Variants in FMNL1 observed in about 807,000 individuals in gnomAD.
The protein encoded by FMNL1 is formin like 1, also known as formin-like protein 1.
In FMNL1, 43 loss-of-function variants were observed where a neutral mutation model predicts 121.3. The ratio of observed to expected loss-of-function variants is 0.35; its 90% CI spans 0.28 to 0.46. The LOEUF (loss-of-function observed/expected upper bound fraction) is 0.46. FMNL1 is among the 20% of genes least tolerant of loss of function. The pLI is 1.00. For missense variants in FMNL1, 1,191 were observed against 1,482.4 expected (o/e 0.80, Z 3.23); for synonymous variants, 613 against 613.5 (o/e 1.00, Z 0.01).
chr17:45,241,788 C>A lies in FMNL1; in HGVS notation c.1586-59C>A. 7.1e-7 allele frequency: 1 copy of A among 1,403,006 alleles called. No homozygotes were observed. The highest frequency in any genetic ancestry group is 3.2e-5 in the Admixed American group (1 of 31,034). The allele number at this position is 1,403,006 out of a possible 1,614,324, so 86.9% of individuals were successfully genotyped here. A position where few individuals can be genotyped will look rare whatever the true frequency, so the allele number is the denominator to read the frequency against. On this transcript the variant is annotated intron_variant, in intron 14 of 26. Coordinates refer to ENST00000331495, the MANE Select transcript of FMNL1 (RefSeq NM_005892.4). The surrounding 1 kb of genome is among the most constrained non-coding windows in gnomAD (Gnocchi z 7.0). Reference sequence around the variant, plus strand: ...CGTAGAGCGGAGAGGCGGAGAGGGGCCCACCCAAGTCAAGGAGCTGACTCG... The same window carrying A: ...CGTAGAGCGGAGAGGCGGAGAGGGGACCACCCAAGTCAAGGAGCTGACTCG...
rs368015420 is a variant in FMNL1, at chr17:45,238,545, A to C, written c.895-19A>C. The C allele has an allele frequency of 9.3e-6, 15 of 1,613,752 alleles. No homozygotes were observed. The highest frequency in any genetic ancestry group is 1.3e-5 in the Non-Finnish European group (15 of 1,179,734). On this transcript the variant is annotated intron_variant, in intron 9 of 26. Coordinates refer to ENST00000331495, the MANE Select transcript of FMNL1 (RefSeq NM_005892.4). ...ACGTGTGTCACTGGGCCTCAGTGAG[A>C]GCCATTCCCCTTACCCAGGTGTGTG...
Position 45,245,882 on chromosome 17 carries a change from C to A in FMNL1, c.2999C>A (p.Ala1000Asp). 2 of 1,596,072 alleles carry A rather than the reference C, an allele frequency of 1.3e-6. No individual in the cohort carries two copies. The highest frequency in any genetic ancestry group is 1.7e-6 in the Non-Finnish European group (2 of 1,172,688). Residue 1000 changes from alanine to aspartate, a missense_variant, in exon 24 of 27, where the codon GCT (alanine) becomes GAT (aspartate). Transcript: ENST00000331495. ...FSRFIKAYKK[A>D]EQEVEQWKKE... is the part of the protein sequence containing the mutation. ...GGAGACTGCCTTGGCCCACAGAAAGCTGAGCAGGAGGTGGAACAGTGGAAA... is the reference window on the plus strand; with the variant it reads ...GGAGACTGCCTTGGCCCACAGAAAGATGAGCAGGAGGTGGAACAGTGGAAA...
rs192277526 is a variant in FMNL1, at chr17:45,230,143, C to A, written c.130-461C>A. ...TGTGTACACGTGGGATCTGGTGGCA[C>A]GTGGAGGTGGGACACTGGCCACTGG... is the stretch of plus-strand genomic sequence containing the variant. On this transcript the variant is annotated intron_variant, in intron 1 of 26. Coordinates refer to ENST00000331495, the MANE Select transcript of FMNL1 (RefSeq NM_005892.4). Among the ~76,000 whole-genome samples, 11 of 152,276 alleles carry A rather than the reference C, an allele frequency of 7.2e-5. No homozygotes were observed. In the East Asian group the frequency reaches 1.9e-3, roughly 27 times the overall value.
chr17:45,232,598 T>G (rs1034827055), intron 3 of FMNL1, 118 bp downstream of exon 3: 1 of 883,544 alleles, frequency 1.1e-6, no homozygotes, highest in Non-Finnish European at 1.8e-6. Context: ...TGTATGAGTG[T>G]GTGTGTGTGT....
Position 45,237,183 on chromosome 17 carries a change from C to G in FMNL1, c.724-98C>G. Reference sequence around the variant, plus strand: ...AGAAGTTGCGGTTGGATACAAAGAACTTCCTAAACTCGAGGGCAGTTAAAG... The same window carrying G: ...AGAAGTTGCGGTTGGATACAAAGAAGTTCCTAAACTCGAGGGCAGTTAAAG... On this transcript the variant is annotated intron_variant, in intron 7 of 26. Coordinates refer to ENST00000331495, the MANE Select transcript of FMNL1 (RefSeq NM_005892.4). The surrounding 1 kb of genome is among the most constrained non-coding windows in gnomAD (Gnocchi z 4.4). The G allele has an allele frequency of 2.7e-6, 3 of 1,112,422 alleles. No individual in the cohort carries two copies. The South Asian group carries it at 3.9e-5, about 15-fold the overall frequency. The allele number at this position is 1,112,422 out of a possible 1,614,324, so 68.9% of individuals were successfully genotyped here. A position where few individuals can be genotyped will look rare whatever the true frequency, so the allele number is the denominator to read the frequency against.
chr17:45,246,101 G>A (rs1189281244), intron 24 of FMNL1, 109 bp from the exon 25 acceptor site: 8 of 1,532,758 alleles, frequency 5.2e-6, no homozygotes, highest in African/African-American at 1.4e-5. Flanking sequence ...GATGGGAAAG[G>A]GTTCTTTCTG....
chr17:45,222,631 G>A (rs978920677), intron 1 of FMNL1, among the ~76,000 whole-genome samples: 1 of 152,028 alleles, frequency 6.6e-6, no homozygotes, highest in Non-Finnish European at 1.5e-5. Flanking sequence ...CTGCCTTTCT[G>A]TGTCTGGAGT....
chr17:45,229,671 G>A (rs1424825793), intron 1 of FMNL1, among the ~76,000 whole-genome samples: 1 of 152,184 alleles, frequency 6.6e-6, no homozygotes, highest in African/African-American at 2.4e-5. Context: ...CAAGTCTGGG[G>A]GTCCAGAAAG....
chr17:45,241,626 C>T lies in FMNL1; in HGVS notation c.1577C>T (p.Pro526Leu). ...APTPGVPTGS[P>L]SPDLAPAAEP... ...ACTCCGGGGGTGCCGACCGGCTCCCCCAGCCCAGGTGCGCAGGAGCTTCAG... is the reference window on the plus strand; with the variant it reads ...ACTCCGGGGGTGCCGACCGGCTCCCTCAGCCCAGGTGCGCAGGAGCTTCAG... The change falls in exon 14 of 27, where the codon CCC becomes CTC. Residue 526 changes from proline (P) to leucine (L), a missense_variant. Pro to Leu is a moderately conservative substitution (Grantham distance 98). Coordinates refer to ENST00000331495, the MANE Select transcript of FMNL1 (RefSeq NM_005892.4). This position sits in a 1 kb window ranked among gnomAD's most constrained non-coding sequence, Gnocchi z 7.0. The T allele has an allele frequency of 6.6e-7, 1 of 1,511,696 alleles. No individual in the cohort carries two copies. Among genetic ancestry groups the T allele is most frequent in the East Asian group, 2.4e-5 (1 of 42,254 alleles). 93.6% of individuals were successfully genotyped at this position (1,511,696 alleles called of 1,614,324 possible).
rs1464539005 is a variant in FMNL1, at chr17:45,240,643, C to T, written c.1230+18C>T. The T allele has an allele frequency of 6.2e-7, 1 of 1,609,034 alleles. No individual in the cohort carries two copies. Among genetic ancestry groups the T allele is most frequent in the Non-Finnish European group, 8.5e-7 (1 of 1,177,908 alleles). On this transcript the variant is annotated intron_variant, in intron 12 of 26. Transcript: ENST00000331495. Reference sequence around the variant, plus strand: ...TGGCGCTGGTGAGAGTGGGTCCTGACCCCAGCCCAGCACATCATAGGCCCA... The same window carrying T: ...TGGCGCTGGTGAGAGTGGGTCCTGATCCCAGCCCAGCACATCATAGGCCCA...
At chr17:45,226,506 G>A (rs1023374751) in intron 1 of FMNL1, among the ~76,000 whole-genome samples, 13 of 152,332 alleles carry the variant, frequency 8.5e-5, no homozygotes, top group Admixed American at 3.3e-4. Context: ...TTCTTTGGAG[G>A]AAGCCGGGTC....
chr17:45,242,017 C>A lies in FMNL1; in HGVS notation c.1756C>A (p.Pro586Thr). The A allele has an allele frequency of 7.4e-7, 1 of 1,343,730 alleles. No individual in the cohort carries two copies. The highest frequency in any genetic ancestry group is 3.6e-5 in the Admixed American group (1 of 27,420). The allele number at this position is 1,343,730 out of a possible 1,614,324, so 83.2% of individuals were successfully genotyped here. ...PAPPLPGDLP[P>T]PPPPPPPPPG... ...GCCGCCGCTGCCCGGAGACCTGCCG[C>A]CCCCACCCCCGCCACCGCCACCACC... The change falls in exon 15 of 27, where the codon CCC becomes ACC. Residue 586 changes from proline to threonine, a missense_variant. By Grantham distance (38) the Pro-to-Thr change is conservative (BLOSUM62 -1). Around this residue, in one of 4 missense-constraint regions of FMNL1, gnomAD observed 519 missense variants for 492.8 expected, o/e 1.05. Coordinates refer to ENST00000331495, the MANE Select transcript of FMNL1 (RefSeq NM_005892.4).
Position 45,246,738 on chromosome 17 carries a change from A to G in FMNL1, c.*9-129A>G, listed in dbSNP as rs578150779. The stretch of plus-strand genomic sequence containing the variant: ...ATTTGTGGGGTGGAGGGGTCTGGCA[A>G]ACATAAACGGTACCCCTGCCATGTG... On this transcript the variant is annotated intron_variant, in intron 26 of 26. Transcript: ENST00000331495. The G allele has an allele frequency of 1.2e-5, 11 of 890,366 alleles. No individual in the cohort carries two copies. In the Admixed American group the frequency reaches 2.5e-4, roughly 20 times the overall value. The allele number at this position is 890,366 out of a possible 1,614,324, so 55.2% of individuals were successfully genotyped here.
In FMNL1 at chr17:45,245,393, C is replaced by T. The variant is rs1257092424; in HGVS notation, c.2869C>T (p.Leu957=). The change falls in exon 22 of 27, where the codon CTG becomes TTG. Residue 957 remains leucine (L), a synonymous_variant. Transcript: ENST00000331495. ...CAACTCGCCCACCATGGACAAGCTG[C>T]TGGCAGACAGCAAGACGGCTCAGGT... ...RANSPTMDKL[L]ADSKTAQEAF... is the part of the protein sequence containing the mutation. The T allele has an allele frequency of 6.2e-7, 1 of 1,614,070 alleles. No homozygotes were observed. Among genetic ancestry groups the T allele is most frequent in the Non-Finnish European group, 8.5e-7 (1 of 1,180,034 alleles).
chr17:45,241,505 A>G lies in FMNL1; in HGVS notation c.1456A>G (p.Lys486Glu). Residue 486 changes from lysine (K) to glutamate (E), a missense_variant, in exon 14 of 27, where the codon AAG (lysine) becomes GAG (glutamate). By Grantham distance (56) the Lys-to-Glu change is moderately conservative (BLOSUM62 1). Coordinates refer to ENST00000331495, the MANE Select transcript of FMNL1 (RefSeq NM_005892.4). The surrounding 1 kb of genome is among the most constrained non-coding windows in gnomAD (Gnocchi z 7.0). ...LELKVEELEEKGLIRILRGPG... is the reference protein window; with the variant it reads ...LELKVEELEEEGLIRILRGPG... The stretch of plus-strand genomic sequence containing the variant: ...GCTGAAGGTGGAGGAGCTGGAGGAG[A>G]AGGGGTTAATCCGTATTCTGCGGGG... 1 of 1,580,600 alleles carries G rather than the reference A, an allele frequency of 6.3e-7. No individual in the cohort carries two copies. The highest frequency in any genetic ancestry group is 8.6e-7 in the Non-Finnish European group (1 of 1,164,318).
intron 1 of FMNL1, among the ~76,000 whole-genome samples, chr17:45,228,632 T>C (rs954392385): frequency 6.6e-6 from 1 of 152,198 alleles, no homozygotes; most frequent in African/African-American, 2.4e-5. Context: ...CCTTGCACAG[T>C]AGGCATTCTG....
Position 45,241,733 on chromosome 17 carries a change from T to C in FMNL1, c.1585+99T>C. 1.4e-6 allele frequency: 2 copies of C among 1,432,962 alleles called. No individual in the cohort carries two copies. Among genetic ancestry groups the C allele is most frequent in the Non-Finnish European group, 1.8e-6 (2 of 1,097,516 alleles). 88.8% of individuals were successfully genotyped at this position (1,432,962 alleles called of 1,614,324 possible). On this transcript the variant is annotated intron_variant, in intron 14 of 26. Transcript: ENST00000331495. This position sits in a 1 kb window ranked among gnomAD's most constrained non-coding sequence, Gnocchi z 7.0. ...CAGAGTTGGGCGAGGGAGGTTTGGA[T>C]TGTAGGCTCGGCTCAGGTAGGAGCG...
At chr17:45,226,460 G>A (rs1350902552) in intron 1 of FMNL1, among the ~76,000 whole-genome samples, 1 of 152,144 alleles carries the variant, frequency 6.6e-6, no homozygotes, top group South Asian at 2.1e-4. Context: ...GACCCCTGGG[G>A]GCCAGGACCC....
rs760464589 is a variant in FMNL1, at chr17:45,243,793, A to G, written c.2216A>G (p.Tyr739Cys). 6.2e-7 allele frequency: 1 copy of G among 1,608,720 alleles called. No homozygotes were observed. ...CTCCCCTCTCCTCCCTCTCACAGGT[A>G]CGACCTGCAGGCTCTGGGCCTGGAC... Reference protein sequence around the residue: ...AERICQAIEAYDLQALGLDFL... With the variant: ...AERICQAIEACDLQALGLDFL... Residue 739 changes from tyrosine (Y) to cysteine (C), a missense_variant and splice_region_variant, in exon 18 of 27, where the codon TAC (tyrosine) becomes TGC (cysteine). By Grantham distance (194) the Tyr-to-Cys change is radical. This residue lies in a region of FMNL1 where 367 missense variants were observed against 528.6 expected (regional missense o/e 0.69). Coordinates refer to ENST00000331495, the MANE Select transcript of FMNL1 (RefSeq NM_005892.4).
Sources: gnomAD v4.1 joint callset for allele counts (sites outside exome capture counted in the v4.1 genomes callset) on GRCh38, gnomAD v4.1.1 for gene constraint, gnomAD v4.1.1 regional missense constraint, Gnocchi (gnomAD v3.1) non-coding constraint, MANE v1.5 for transcripts, NCBI Gene and HGNC (gene_info 2026-07-23, HGNC 2026-07-21) for gene names.